Variants in ATP11A observed in about 807,000 individuals in gnomAD.
ATP11A encodes ATPase phospholipid transporting 11A.
ATP11A carries 81 observed loss-of-function variants against 154.4 expected under a neutral mutation model. That is an observed-to-expected ratio of 0.52 (90% confidence interval 0.44 to 0.63). The LOEUF (loss-of-function observed/expected upper bound fraction) is 0.63. Among genes scored for constraint, ATP11A ranks in the 30% least tolerant of loss-of-function variants. The pLI is 0.00. For missense variants in ATP11A, 1,316 were observed against 1,474.3 expected, an observed-to-expected ratio of 0.89 and a Z score of 1.76; for synonymous variants, 623 against 585.9, an observed-to-expected ratio of 1.06 and a Z score of -0.91.
At chr13:112,794,513 G>A (rs2077945724) in intron 2 of ATP11A, among the ~76,000 whole-genome samples, 1 of 152,174 alleles carries the variant, frequency 6.6e-6, no homozygotes, top group Non-Finnish European at 1.5e-5. Context: ...AACTTACTCT[G>A]TGAAACATAG....
intron 17 of ATP11A, among the ~76,000 whole-genome samples, chr13:112,846,863 G>A (rs973486229): frequency 1.2e-4 from 18 of 152,224 alleles, no homozygotes; most frequent in African/African-American, 4.1e-4. Context: ...GCCTGCCCCG[G>A]GTGGTGCTCC....
rs879319033 is a variant in ATP11A, at chr13:112,717,977, G to A, written c.39+27522G>A. ...CTGTAATCCCAGCTACTCGGGAGCC[G>A]AGTCAGGAGAATCACTTGAACCCAG... On this transcript the variant is annotated intron_variant, in intron 1 of 29. Transcript: ENST00000375645. Among the ~76,000 whole-genome samples the A allele has an allele frequency of 2.6e-5, 4 of 152,284 alleles. No individual in the cohort carries two copies. In the South Asian group the frequency reaches 6.2e-4, roughly 24 times the overall value.
At position 112,884,434 on chromosome 13, in the gene ATP11A, C is replaced by G. The variant is rs980785169; in HGVS notation, c.*2568C>G. 2.0e-5 allele frequency: 3 copies of G among 152,404 alleles called. No homozygotes were observed. The highest frequency in any genetic ancestry group is 4.4e-5 in the Non-Finnish European group (3 of 68,038). The allele number at this position is 152,404 out of a possible 1,614,324, so 9.4% of individuals were successfully genotyped here. ...AAGTCACTAAACTTTTACACACTCC[C>G]AAACGTCTTTTTAAAAATTGCTTGG... On this transcript the variant is annotated 3_prime_UTR_variant, in exon 30 of 30. Transcript: ENST00000375645.
intron 2 of ATP11A, among the ~76,000 whole-genome samples, chr13:112,791,809 G>A (rs1291230989): frequency 5.3e-5 from 8 of 152,262 alleles, no homozygotes; most frequent in East Asian, 1.9e-4. Flanking sequence ...TTTCTGATCC[G>A]GGGAGCCCTG....
intron 1 of ATP11A, among the ~76,000 whole-genome samples, chr13:112,744,828 C>T (rs1891947561): frequency 6.6e-6 from 1 of 152,230 alleles, no homozygotes; most frequent in Admixed American, 6.5e-5. Context: ...TTCCCTACTT[C>T]ATGTAAGATA....
chr13:112,750,911 A>T (rs1046541999), intron 1 of ATP11A, among the ~76,000 whole-genome samples: 2 of 152,212 alleles, frequency 1.3e-5, no homozygotes, highest in Non-Finnish European at 2.9e-5. Context: ...CTCCTTCATC[A>T]AACATTTATA....
chr13:112,836,145 T>C (rs1376733112), intron 15 of ATP11A, 33 bp from the exon 16 acceptor site: 14 of 1,550,328 alleles, frequency 9.0e-6, no homozygotes, highest in Middle Eastern at 1.7e-4. Flanking sequence ...AGCACCCGTG[T>C]GGACGGTGTG....
At chr13:112,735,395 C>T (rs1457677332) in intron 1 of ATP11A, among the ~76,000 whole-genome samples, 2 of 152,298 alleles carry the variant, frequency 1.3e-5, no homozygotes, top group East Asian at 3.9e-4. Flanking sequence ...ATTGCCTGAG[C>T]TCACACAAGG....
intron 1 of ATP11A, among the ~76,000 whole-genome samples, chr13:112,704,071 A>G (rs1566353745): frequency 6.6e-6 from 1 of 152,182 alleles, no homozygotes; most frequent in African/African-American, 2.4e-5. Context: ...GGTCAGAACA[A>G]TGGGATACGC....
Position 112,690,268 on chromosome 13 carries a change from A to C in ATP11A, c.-149A>C. The C allele has an allele frequency of 3.1e-6, 1 of 318,368 alleles. No individual in the cohort carries two copies. The highest frequency in any genetic ancestry group is 4.6e-6 in the Non-Finnish European group (1 of 215,228). The allele number at this position is 318,368 out of a possible 1,614,324, so 19.7% of individuals were successfully genotyped here. A position where few individuals can be genotyped will look rare whatever the true frequency, so the allele number is the denominator to read the frequency against. ...CCGGCCGGGCCGGGCATGAGCGCGGAGGGGCCGCGGCCGCCCCCTGCACCG... is the reference window on the plus strand; with the variant it reads ...CCGGCCGGGCCGGGCATGAGCGCGGCGGGGCCGCGGCCGCCCCCTGCACCG... On this transcript the variant is annotated 5_prime_UTR_variant, in exon 1 of 30. Transcript: ENST00000375645. This position sits in a 1 kb window ranked among gnomAD's most constrained non-coding sequence, Gnocchi z 5.6.
rs1393329366 is a variant in ATP11A, at chr13:112,875,458, A to G, written c.3162-318A>G. On this transcript the variant is annotated intron_variant, in intron 27 of 29. Transcript: ENST00000375645. This position sits in a 1 kb window ranked among gnomAD's most constrained non-coding sequence, Gnocchi z 4.1. ...ATCCGAGACTTCAAGATAGAAAAAC[A>G]TCCCTATTTCAATCCCTTTGTGTTT... 2.0e-5 allele frequency among the ~76,000 whole-genome samples: 3 copies of G among 148,834 alleles called. No individual in the cohort carries two copies.
At chr13:112,776,161 G>A (rs560831157) in intron 1 of ATP11A, among the ~76,000 whole-genome samples, 50 of 152,270 alleles carry the variant, frequency 3.3e-4, no homozygotes, top group Non-Finnish European at 4.6e-4. Context: ...TCTGTTACTC[G>A]TCCTCAAGTG....
chr13:112,826,957 C>T (rs1023920714), intron 12 of ATP11A, 66 bp downstream of exon 12: 2 of 1,542,214 alleles, frequency 1.3e-6, no homozygotes, highest in Non-Finnish European at 1.8e-6. Context: ...TCACGTTCCT[C>T]AGGTCCTGTG....
intron 1 of ATP11A, among the ~76,000 whole-genome samples, chr13:112,783,677 G>A (rs1341306854): frequency 2.0e-5 from 3 of 152,230 alleles, no homozygotes; most frequent in African/African-American, 7.2e-5. Context: ...GAGAACTGGG[G>A]CGTGGGACGA....
chr13:112,710,131 G>A (rs531686550), intron 1 of ATP11A, among the ~76,000 whole-genome samples: 2 of 152,252 alleles, frequency 1.3e-5, no homozygotes, highest in Non-Finnish European at 2.9e-5. Flanking sequence ...TCAGCATCAC[G>A]GGGAGGCCGG....
Position 112,782,370 on chromosome 13 carries a change from G to GA in ATP11A, c.40-2763dup, listed in dbSNP as rs1329977334. Among the ~76,000 whole-genome samples, 22 of 152,310 alleles carry GA rather than the reference G, an allele frequency of 1.4e-4. 1 individual carries two copies. The South Asian group carries it at 3.9e-3, about 27-fold the overall frequency. ...CTCCTGAAATTCAGTTGCCGTCTTT[G>GA]AAGCTTCGAAGAAAGTTTCTAGGAT... On this transcript the variant is annotated intron_variant, in intron 1 of 29. Transcript: ENST00000375645.
rs1342100546 is a variant in ATP11A, at chr13:112,885,613, T to C, written c.*3747T>C. ...ACACGTGAGCTCCCACACGTACACA[T>C]GCACATGTACGCACCACAAACACAT... On this transcript the variant is annotated 3_prime_UTR_variant, in exon 30 of 30. Coordinates refer to ENST00000375645, the MANE Select transcript of ATP11A (RefSeq NM_015205.3). 1 of 151,862 alleles carries C rather than the reference T, an allele frequency of 6.6e-6. No homozygotes were observed. The highest frequency in any genetic ancestry group is 6.6e-5 in the Admixed American group (1 of 15,254). 9.4% of individuals were successfully genotyped at this position (151,862 alleles called of 1,614,324 possible).
At chr13:112,834,839 T>A (rs755724816) in intron 15 of ATP11A, among the ~76,000 whole-genome samples, 179 bp downstream of exon 15, 3 of 152,242 alleles carry the variant, frequency 2.0e-5, no homozygotes, top group Non-Finnish European at 4.4e-5. Context: ...GCTGGACACT[T>A]AGAGAAGGGC....
intron 1 of ATP11A, among the ~76,000 whole-genome samples, chr13:112,705,125 G>C (rs138412494): frequency 6.6e-6 from 1 of 152,216 alleles, no homozygotes; most frequent in Non-Finnish European, 1.5e-5. Flanking sequence ...AAGTATACAC[G>C]TGCTTTTTTG....
Sources: allele counts gnomAD v4.1 joint callset (sites outside exome capture counted in the v4.1 genomes callset), GRCh38; gene constraint gnomAD v4.1.1; non-coding constraint Gnocchi (gnomAD v3.1); transcripts MANE v1.5; gene names NCBI Gene and HGNC (gene_info 2026-07-23, HGNC 2026-07-21).